ENOX2: variants seen among roughly 807,000 people sequenced by gnomAD.
ENOX2 encodes ecto-NOX disulfide-thiol exchanger 2, also known as APK1 antigen.
Under a neutral mutation model 45.0 loss-of-function variants are expected in ENOX2, and 36 were observed. The ratio of observed to expected loss-of-function variants is 0.80; its 90% CI spans 0.61 to 1.06. The LOEUF (loss-of-function observed/expected upper bound fraction) is 1.06. Ranked by LOEUF, ENOX2 falls within the 50% of genes least tolerant of loss-of-function variation. The pLI is 0.00. For missense variants in ENOX2, 423 were observed against 462.5 expected, an observed-to-expected ratio of 0.91 and a Z score of 0.78; for synonymous variants, 174 against 152.3, an observed-to-expected ratio of 1.14 and a Z score of -1.05.
intron 2 of ENOX2, among the ~76,000 whole-genome samples, chrX:130,900,357 G>A (rs1424663565): frequency 8.9e-6 from 1 of 112,381 alleles, no homozygotes; most frequent in Non-Finnish European, 1.9e-5. Flanking sequence ...ATTTGAACAT[G>A]TAACTAGTAA....
chrX:130,669,777 T>C (rs1171548115), intron 7 of ENOX2, among the ~76,000 whole-genome samples, 188 bp downstream of exon 7: 1 of 112,132 alleles, frequency 8.9e-6, no homozygotes, highest in African/African-American at 3.2e-5. Flanking sequence ...ACACAGGTAG[T>C]AGGGATAAAT....
intron 2 of ENOX2, among the ~76,000 whole-genome samples, chrX:130,872,626 C>T (rs765976704): frequency 3.6e-5 from 4 of 112,113 alleles, no homozygotes; most frequent in South Asian, 3.7e-4. Flanking sequence ...AGAAGCATCA[C>T]GCTACCTGAT....
rs191057367 is a variant in ENOX2, at chrX:130,633,352, T to C, written c.1419+1632A>G. Among the ~76,000 whole-genome samples the C allele has an allele frequency of 3.9e-3, 441 of 112,729 alleles. 2 individuals carry two copies. Among genetic ancestry groups the C allele is most frequent in the African/African-American group, 0.014 (426 of 31,110 alleles). On this transcript the variant is annotated intron_variant, in intron 12 of 14. Transcript: ENST00000394363. ...GATGGTACTTTGCTTCCTAACCTAA[T>C]TGTGTCAGGTTGAAATATTTGGTCA...
intron 3 of ENOX2, among the ~76,000 whole-genome samples, chrX:130,711,313 T>G (rs758823648): frequency 2.2e-4 from 25 of 112,014 alleles, no homozygotes; most frequent in Non-Finnish European, 3.6e-4. Context: ...TTGTGAACAA[T>G]GCACTGAAGC....
chrX:130,893,017 T>C (rs2079007345), intron 2 of ENOX2, among the ~76,000 whole-genome samples: 1 of 111,694 alleles, frequency 9.0e-6, no homozygotes, highest in Admixed American at 9.5e-5. Context: ...AATAAAAGGT[T>C]GACGAAAAGG....
intron 2 of ENOX2, among the ~76,000 whole-genome samples, chrX:130,788,989 G>A (rs758387976): frequency 1.9e-5 from 2 of 105,761 alleles, no homozygotes; most frequent in Non-Finnish European, 3.9e-5. Context: ...GTTATTTCAT[G>A]TCATGTTGAA....
intron 4 of ENOX2, 76 bp downstream of exon 4, chrX:130,703,044 T>C (rs967345872): frequency 1.8e-5 from 18 of 983,663 alleles, no homozygotes; most frequent in Non-Finnish European, 2.4e-5. Context: ...TCAAAATAAG[T>C]TGTGTCATAC....
Position 130,711,925 on chromosome X carries a change from A to G in ENOX2, c.-38-8671T>C, listed in dbSNP as rs189139961. On this transcript the variant is annotated intron_variant, in intron 3 of 14. Transcript: ENST00000394363. ...AGGGCGTGGTATAGTGAGGAAGAAGAAGGCCACAGAATTTGGTATGTGCCT... is the reference window on the plus strand; with the variant it reads ...AGGGCGTGGTATAGTGAGGAAGAAGGAGGCCACAGAATTTGGTATGTGCCT... Among the ~76,000 whole-genome samples, 719 of 111,355 alleles carry G rather than the reference A, an allele frequency of 6.5e-3. 9 individuals are homozygous for G. The highest frequency in any genetic ancestry group is 0.022 in the African/African-American group (679 of 30,646).
chrX:130,861,195 G>A (rs188965945), intron 2 of ENOX2, among the ~76,000 whole-genome samples: 62 of 111,900 alleles, frequency 5.5e-4, no homozygotes, highest in Middle Eastern at 4.7e-3. Context: ...AACACAATAC[G>A]GAGGTTTCTT....
At chrX:130,736,755 T>G (rs2038870574) in intron 3 of ENOX2, among the ~76,000 whole-genome samples, 1 of 112,025 alleles carries the variant, frequency 8.9e-6, no homozygotes, top group Admixed American at 9.4e-5. Context: ...TCTGTTCTCT[T>G]GGGTCAATGT....
chrX:130,749,926 ACTCT>A (rs937719037), intron 3 of ENOX2, among the ~76,000 whole-genome samples: 1 of 107,960 alleles, frequency 9.3e-6, no homozygotes, highest in Non-Finnish European at 1.9e-5. Flanking sequence ...CTGTTTTGAC[ACTCT>A]CTCTGTCTTC....
chrX:130,693,638 G>A (rs1298523110), intron 4 of ENOX2, among the ~76,000 whole-genome samples: 1 of 112,217 alleles, frequency 8.9e-6, no homozygotes, highest in Admixed American at 9.4e-5. Flanking sequence ...TAAGGCATAT[G>A]AGCAACAAAA....
chrX:130,716,791 G>C (rs1481416721), intron 3 of ENOX2, among the ~76,000 whole-genome samples: 5 of 112,417 alleles, frequency 4.4e-5, no homozygotes, highest in Admixed American at 9.4e-5. Flanking sequence ...TAGCTCTTCT[G>C]AATATTTTAA....
chrX:130,672,442 G>T (rs972022191), intron 6 of ENOX2, among the ~76,000 whole-genome samples: 15 of 112,668 alleles, frequency 1.3e-4, no homozygotes, highest in African/African-American at 4.8e-4. Context: ...CCTGGGAATT[G>T]AAGGACTGCT....
At chrX:130,729,151 C>T (rs2038676657) in intron 3 of ENOX2, among the ~76,000 whole-genome samples, 1 of 111,628 alleles carries the variant, frequency 9.0e-6, no homozygotes, top group Admixed American at 9.5e-5. Context: ...CTATGACTAC[C>T]CATACAACCC....
chrX:130,782,502 G>A (rs1047468546), intron 3 of ENOX2, among the ~76,000 whole-genome samples: 1 of 111,431 alleles, frequency 9.0e-6, no homozygotes, highest in African/African-American at 3.3e-5. Flanking sequence ...TTTCTTGAGG[G>A]TTCCATGTAA....
At chrX:130,765,445 T>C in intron 3 of ENOX2, among the ~76,000 whole-genome samples, 1 of 111,572 alleles carries the variant, frequency 9.0e-6, no homozygotes, top group Non-Finnish European at 1.9e-5. Context: ...AATTTTATAT[T>C]TAACTTCATA....
intron 3 of ENOX2, among the ~76,000 whole-genome samples, chrX:130,719,689 G>A (rs773941706): frequency 8.9e-6 from 1 of 111,795 alleles, no homozygotes; most frequent in African/African-American, 3.3e-5. Flanking sequence ...GGGGTTAATG[G>A]AAGAGGCAAG....
chrX:130,656,561 G>T lies in ENOX2; in HGVS notation c.1129+20C>A. 1 of 959,589 alleles carries T rather than the reference G, an allele frequency of 1.0e-6. No homozygotes were observed. The highest frequency in any genetic ancestry group is 1.5e-6 in the Non-Finnish European group (1 of 672,178). The allele number at this position is 959,589 out of a possible 1,213,427, so 79.1% of individuals were successfully genotyped here. ...TGCAAGTACATGTTTATTAAATAAA[G>T]AAAACAGAATTATCTTTACCTGATT... On this transcript the variant is annotated intron_variant, in intron 10 of 14. Coordinates refer to ENST00000394363, the MANE Select transcript of ENOX2 (RefSeq NM_006375.4).
Sources: gnomAD v4.1 joint callset for allele counts (sites outside exome capture counted in the v4.1 genomes callset) on GRCh38, gnomAD v4.1.1 for gene constraint, MANE v1.5 for transcripts, NCBI Gene and HGNC (gene_info 2026-07-23, HGNC 2026-07-21) for gene names.